KATNIP: variants seen among roughly 807,000 people sequenced by gnomAD.
KATNIP encodes the protein katanin-interacting protein.
Under a neutral mutation model 174.0 loss-of-function variants are expected in KATNIP, and 126 were observed. The observed-to-expected ratio is 0.72, with a 90% CI of 0.63 to 0.84. KATNIP has a LOEUF of 0.84. Ranked by LOEUF, KATNIP falls within the 40% of genes least tolerant of loss-of-function variation. KATNIP has a pLI of 0.00. For missense variants in KATNIP, 1,958 were observed against 2,109.7 expected (o/e 0.93, Z 1.41); for synonymous variants, 810 against 835.7 (o/e 0.97, Z 0.53).
chr16:27,582,227 T>C (rs1351207535), intron 2 of KATNIP, among the ~76,000 whole-genome samples: 2 of 152,226 alleles, frequency 1.3e-5, no homozygotes, highest in African/African-American at 2.4e-5. Context: ...TTCAGTCTTG[T>C]TGCCCCGTCC....
intron 5 of KATNIP, among the ~76,000 whole-genome samples, chr16:27,631,657 C>T (rs951912482): frequency 6.6e-6 from 1 of 152,184 alleles, no homozygotes; most frequent in Admixed American, 6.5e-5. Flanking sequence ...CTGCACGGCC[C>T]TCCCCTTTGG....
Position 27,637,053 on chromosome 16 carries a change from G to T in KATNIP, c.408+5891G>T, listed in dbSNP as rs1171356476. Among the ~76,000 whole-genome samples, 8 of 152,238 alleles carry T rather than the reference G, an allele frequency of 5.3e-5. No individual in the cohort carries two copies. The highest frequency in any genetic ancestry group is 5.2e-4 in the Admixed American group (8 of 15,292). Reference sequence around the variant, plus strand: ...CCCCTTGGTGCCTGCGCTCTCATTTGTCATGTGAGGTTGGTAATGGTAATT... The same window carrying T: ...CCCCTTGGTGCCTGCGCTCTCATTTTTCATGTGAGGTTGGTAATGGTAATT... On this transcript the variant is annotated intron_variant, in intron 5 of 27. Transcript: ENST00000261588. The surrounding 1 kb of genome is among the most constrained non-coding windows in gnomAD (Gnocchi z 4.7).
At chr16:27,568,005 T>C (rs2090153467) in intron 1 of KATNIP, among the ~76,000 whole-genome samples, 1 of 152,218 alleles carries the variant, frequency 6.6e-6, no homozygotes, top group Admixed American at 6.5e-5. Flanking sequence ...AAAAACAATA[T>C]TAAAAAACAT....
At chr16:27,556,988 G>C (rs2089653725) in intron 1 of KATNIP, among the ~76,000 whole-genome samples, 1 of 152,022 alleles carries the variant, frequency 6.6e-6, no homozygotes, top group East Asian at 1.9e-4. Flanking sequence ...ATAATGTTTT[G>C]CTTATTTTTC....
chr16:27,680,990 C>T (rs1480317834), intron 7 of KATNIP, among the ~76,000 whole-genome samples: 1 of 152,206 alleles, frequency 6.6e-6, no homozygotes, highest in Non-Finnish European at 1.5e-5. Flanking sequence ...CCACTGTACC[C>T]AGCCTATTTT....
rs920669629 is a variant in KATNIP at position 27,677,709 on chromosome 16, C to T, written c.541-20C>T. 1.3e-6 allele frequency: 2 copies of T among 1,588,846 alleles called. No individual in the cohort carries two copies. The highest frequency in any genetic ancestry group is 1.7e-5 in the Admixed American group (1 of 58,336). ...AAGGTACCATATTTATCTCTCATCT[C>T]TCTTCTGGGCTTTTTGCAGGAGCTG... On this transcript the variant is annotated intron_variant, in intron 6 of 27. Coordinates refer to ENST00000261588, the MANE Select transcript of KATNIP (RefSeq NM_015202.5).
intron 5 of KATNIP, among the ~76,000 whole-genome samples, chr16:27,636,599 C>T (rs1233872584): frequency 1.3e-5 from 2 of 151,552 alleles, no homozygotes; most frequent in Non-Finnish European, 2.9e-5. Flanking sequence ...CTGGAGCTCT[C>T]TGTGTAACCT....
rs750294271 is a variant in KATNIP, at chr16:27,740,559, G to C, written c.2262G>C (p.Trp754Cys). The C allele has an allele frequency of 1.2e-4, 196 of 1,614,012 alleles. No individual in the cohort carries two copies. Among genetic ancestry groups the C allele is most frequent in the Non-Finnish European group, 1.6e-4 (191 of 1,180,036 alleles). The change falls in exon 15 of 28, where the codon TGG becomes TGC. Residue 754 changes from tryptophan to cysteine, a missense_variant. By Grantham distance (215) the Trp-to-Cys change is radical (BLOSUM62 -2). This residue lies in a region of KATNIP where 1,557 missense variants were observed against 1,617.8 expected (regional missense o/e 0.96). Transcript: ENST00000261588. ...ICEPPGKTPS[W>C]LQPSPTGKDR... ...AGCCACCCGGGAAAACCCCATCCTGGTTACAACCTTCTCCCACCGGCAAGG... is the reference window on the plus strand; with the variant it reads ...AGCCACCCGGGAAAACCCCATCCTGCTTACAACCTTCTCCCACCGGCAAGG...
rs984907889 is a variant in KATNIP, at chr16:27,777,059, A to T, written c.4551+30A>T. The T allele has an allele frequency of 2.9e-6, 4 of 1,401,498 alleles. No individual in the cohort carries two copies. The African/African-American group carries it at 5.7e-5, about 20-fold the overall frequency. The allele number at this position is 1,401,498 out of a possible 1,614,324, so 86.8% of individuals were successfully genotyped here. A position where few individuals can be genotyped will look rare whatever the true frequency, so the allele number is the denominator to read the frequency against. On this transcript the variant is annotated intron_variant, in intron 25 of 27. Transcript: ENST00000261588. This position sits in a 1 kb window ranked among gnomAD's most constrained non-coding sequence, Gnocchi z 4.4. ...GTACTTATTAGCTGAGTTTTTTGAG[A>T]TAATTATGCTCGTTGGTAATTAGGC...
At chr16:27,705,701 G>T (rs1308982144) in intron 12 of KATNIP, among the ~76,000 whole-genome samples, 1 of 151,832 alleles carries the variant, frequency 6.6e-6, no homozygotes, top group Non-Finnish European at 1.5e-5. Context: ...TTAGAGACAG[G>T]GCCTTGCTCT....
Position 27,681,511 on chromosome 16 carries a change from C to G in KATNIP, c.921C>G (p.Asp307Glu). Residue 307 changes from aspartate to glutamate, a missense_variant, in exon 8 of 28, where the codon GAC becomes GAG. By Grantham distance (45) the Asp-to-Glu change is conservative. Coordinates refer to ENST00000261588, the MANE Select transcript of KATNIP (RefSeq NM_015202.5). ...CCCAAGCTCCTGCTGTATTCCCAGA[C>G]CAGGAGAGGATGTGCTCCAGTAAGA... ...LTPQAPAVFP[D>E]QERMCSRPGS... 1 of 1,614,214 alleles carries G rather than the reference C, an allele frequency of 6.2e-7. No individual in the cohort carries two copies. Among genetic ancestry groups the G allele is most frequent in the Non-Finnish European group, 8.5e-7 (1 of 1,180,034 alleles).
chr16:27,568,270 A>G (rs1292741064), intron 1 of KATNIP, among the ~76,000 whole-genome samples: 1 of 152,146 alleles, frequency 6.6e-6, no homozygotes. Context: ...ATATTTGTTC[A>G]GTGACTTATT....
chr16:27,755,213 G>A (rs977390250), intron 18 of KATNIP: 16 of 152,308 alleles, frequency 1.1e-4, no homozygotes, highest in African/African-American at 3.1e-4. Flanking sequence ...CCAAAATGAA[G>A]CTGGAGCCTC....
chr16:27,604,202 G>T (rs554934942), intron 2 of KATNIP, among the ~76,000 whole-genome samples: 2 of 150,954 alleles, frequency 1.3e-5, no homozygotes, highest in African/African-American at 4.9e-5. Flanking sequence ...GGGCTCAAGC[G>T]ATCCTCTCGC....
At chr16:27,606,004 C>T (rs1367713315) in intron 2 of KATNIP, among the ~76,000 whole-genome samples, 1 of 152,148 alleles carries the variant, frequency 6.6e-6, no homozygotes, top group African/African-American at 2.4e-5. Flanking sequence ...GTGGCAGACG[C>T]CTGTAGTCCC....
chr16:27,740,008 G>A (rs2081041643), intron 14 of KATNIP, 33 bp from the exon 15 acceptor site: 1 of 1,581,108 alleles, frequency 6.3e-7, no homozygotes. Flanking sequence ...CTGATGCTAT[G>A]CATCTTCACT....
rs541440885 is a variant in KATNIP at position 27,759,752 on chromosome 16, C to G, written c.3632-1661C>G. On this transcript the variant is annotated intron_variant, in intron 18 of 27. Transcript: ENST00000261588. ...TGCTTGCCTCACGTGGGCTTCTGTCCCAGTGTTCAAAGCAAATCACGTGAC... is the reference window on the plus strand; with the variant it reads ...TGCTTGCCTCACGTGGGCTTCTGTCGCAGTGTTCAAAGCAAATCACGTGAC... Among the ~76,000 whole-genome samples the G allele has an allele frequency of 3.2e-4, 48 of 152,270 alleles. 1 individual carries two copies. The highest frequency in any genetic ancestry group is 3.4e-4 in the Non-Finnish European group (23 of 68,024).
At chr16:27,568,447 G>A (rs184077866) in intron 1 of KATNIP, among the ~76,000 whole-genome samples, 23 of 152,222 alleles carry the variant, frequency 1.5e-4, no homozygotes, top group African/African-American at 5.1e-4. Context: ...GTGAGCAACC[G>A]GGCCTTGCCC....
chr16:27,556,246 A>G (rs1471551018), intron 1 of KATNIP, among the ~76,000 whole-genome samples: 1 of 152,222 alleles, frequency 6.6e-6, no homozygotes, highest in African/African-American at 2.4e-5. Flanking sequence ...CTAGCAGATG[A>G]TAACTTTTGT....
Sources: gnomAD v4.1 joint callset for allele counts (sites outside exome capture counted in the v4.1 genomes callset) on GRCh38, gnomAD v4.1.1 for gene constraint, gnomAD v4.1.1 regional missense constraint, Gnocchi (gnomAD v3.1) non-coding constraint, MANE v1.5 for transcripts, NCBI Gene and HGNC (gene_info 2026-07-23, HGNC 2026-07-21) for gene names.